The following RASAL2 variants were observed in gnomAD, a reference collection of about 807,000 sequenced individuals.
RASAL2 encodes RAS protein activator like 2, also known as ras GTPase-activating protein nGAP.
RASAL2 carries 58 observed loss-of-function variants against 128.9 expected under a neutral mutation model. The ratio of observed to expected loss-of-function variants is 0.45; its 90% CI spans 0.36 to 0.56. RASAL2 has a LOEUF of 0.56. Ranked by LOEUF, RASAL2 falls within the 20% of genes least tolerant of loss-of-function variation. The pLI is 0.00. For missense variants in RASAL2, 1,360 were observed against 1,601.6 expected, an observed-to-expected ratio of 0.85 and a Z score of 2.57; for synonymous variants, 561 against 580.8, an observed-to-expected ratio of 0.97 and a Z score of 0.49.
At chr1:178,412,493 AC>A (rs1159257319) in intron 4 of RASAL2, among the ~76,000 whole-genome samples, 1 of 152,188 alleles carries the variant, frequency 6.6e-6, no homozygotes, top group African/African-American at 2.4e-5. Flanking sequence ...TGCTTCATTT[AC>A]ATCAAGGAGG....
intron 1 of RASAL2, among the ~76,000 whole-genome samples, chr1:178,168,267 G>GA (rs1356042990): frequency 1.4e-5 from 2 of 144,510 alleles, no homozygotes; most frequent in Non-Finnish European, 3.0e-5. Context: ...TAGACCCTGT[G>GA]AGAAGCCAAA....
intron 1 of RASAL2, among the ~76,000 whole-genome samples, chr1:178,258,996 A>C (rs928919633): frequency 6.6e-6 from 1 of 152,160 alleles, no homozygotes; most frequent in Non-Finnish European, 1.5e-5. Flanking sequence ...GAAAGACCAC[A>C]CATATTATAT....
intron 1 of RASAL2, among the ~76,000 whole-genome samples, chr1:178,273,249 A>G (rs1666343442): frequency 6.6e-6 from 1 of 152,258 alleles, no homozygotes; most frequent in African/African-American, 2.4e-5. Flanking sequence ...GATATGTGAT[A>G]AAGGCTAATG....
At chr1:178,293,180 C>T (rs962615383) in intron 2 of RASAL2, among the ~76,000 whole-genome samples, 2 of 152,034 alleles carry the variant, frequency 1.3e-5, no homozygotes, top group South Asian at 2.1e-4. Context: ...CTTTCTCCCC[C>T]GTAACAAATT....
intron 2 of RASAL2, among the ~76,000 whole-genome samples, chr1:178,299,168 A>C (rs959300505): frequency 4.6e-5 from 7 of 152,200 alleles, no homozygotes; most frequent in Non-Finnish European, 2.9e-5. Context: ...GTTGGTATCT[A>C]TACAAGTTTC....
intron 1 of RASAL2, among the ~76,000 whole-genome samples, chr1:178,149,798 T>A (rs930272283): frequency 6.6e-6 from 1 of 152,170 alleles, no homozygotes; most frequent in Admixed American, 6.5e-5. Context: ...AAAAATAAAT[T>A]ACATTTAACA....
chr1:178,146,938 C>T (rs1660748878), intron 1 of RASAL2, among the ~76,000 whole-genome samples: 1 of 152,188 alleles, frequency 6.6e-6, no homozygotes, highest in Non-Finnish European at 1.5e-5. Flanking sequence ...GCGTGAATGC[C>T]AAAATTACTT....
chr1:178,171,000 T>A (rs1388500823), intron 1 of RASAL2, among the ~76,000 whole-genome samples: 3 of 151,946 alleles, frequency 2.0e-5, no homozygotes, highest in African/African-American at 7.2e-5. Context: ...TGGCATATGC[T>A]CTTAATTCAG....
intron 1 of RASAL2, among the ~76,000 whole-genome samples, chr1:178,260,393 T>A (rs71514846): frequency 0.13 from 7,754 of 58,484 alleles, 2,167 homozygotes; most frequent in Admixed American, 0.17. Context: ...TATATATATA[T>A]ATATATATAT....
At chr1:178,330,047 A>C (rs1054245276) in intron 3 of RASAL2, among the ~76,000 whole-genome samples, 2 of 152,168 alleles carry the variant, frequency 1.3e-5, no homozygotes, top group African/African-American at 4.8e-5. Context: ...TATATTGTTG[A>C]CTAAGTTGCT....
At chr1:178,335,828 T>C (rs1332269993) in intron 3 of RASAL2, among the ~76,000 whole-genome samples, 3 of 152,130 alleles carry the variant, frequency 2.0e-5, no homozygotes, top group Non-Finnish European at 2.9e-5. Context: ...GAGCAATAGC[T>C]TCTGATAAAC....
chr1:178,115,652 A>G (rs922802018), intron 1 of RASAL2, among the ~76,000 whole-genome samples: 13 of 152,368 alleles, frequency 8.5e-5, no homozygotes, highest in Admixed American at 6.5e-4. Context: ...AGAAATAGCT[A>G]TGCCAAAGAT....
intron 4 of RASAL2, among the ~76,000 whole-genome samples, chr1:178,401,873 C>T (rs1466832746): frequency 6.6e-6 from 1 of 152,010 alleles, no homozygotes; most frequent in African/African-American, 2.4e-5. Flanking sequence ...TTAGGGCCCG[C>T]GTCACCCTGT....
intron 5 of RASAL2, among the ~76,000 whole-genome samples, chr1:178,437,598 G>A (rs909562599): frequency 2.6e-5 from 4 of 152,022 alleles, no homozygotes; most frequent in Non-Finnish European, 5.9e-5. Context: ...CTTTCCTGTT[G>A]AGAAGCTCAC....
chr1:178,456,525 C>A, intron 12 of RASAL2, 196 bp from the exon 13 acceptor site: 1 of 670,284 alleles, frequency 1.5e-6, no homozygotes, highest in Non-Finnish European at 2.7e-6. Context: ...CTTGTTTCGC[C>A]TCCTCCATTC....
Position 178,094,372 on chromosome 1 carries a change from C to A in RASAL2, c.-121C>A. ...AGGTGAGAGGTGTCCGCGCCGGCTG[C>A]CGCTCGGGTCCCTGCCCTCGCTGCG... is the stretch of plus-strand genomic sequence containing the variant. On this transcript the variant is annotated 5_prime_UTR_variant, in exon 1 of 18. Coordinates refer to ENST00000367649, the MANE Select transcript of RASAL2 (RefSeq NM_170692.4). 1 of 959,334 alleles carries A rather than the reference C, an allele frequency of 1.0e-6. No homozygotes were observed. Among genetic ancestry groups the A allele is most frequent in the Non-Finnish European group, 1.5e-6 (1 of 681,906 alleles). 59.4% of individuals were successfully genotyped at this position (959,334 alleles called of 1,614,324 possible). A position where few individuals can be genotyped will look rare whatever the true frequency, so the allele number is the denominator to read the frequency against.
chr1:178,115,042 A>G (rs909355403), intron 1 of RASAL2, among the ~76,000 whole-genome samples: 2 of 152,182 alleles, frequency 1.3e-5, no homozygotes, highest in African/African-American at 4.8e-5. Flanking sequence ...ACTTTCTGGA[A>G]GAGTTTGTGT....
chr1:178,100,361 CAAAA>C, intron 1 of RASAL2, among the ~76,000 whole-genome samples: 1 of 142,986 alleles, frequency 7.0e-6, no homozygotes, highest in Non-Finnish European at 1.5e-5. Flanking sequence ...ACTATAAATA[CAAAA>C]AAAAAAAAAA....
Position 178,269,960 on chromosome 1 carries a change from A to G in RASAL2, c.203-13604A>G, listed in dbSNP as rs57215352. The stretch of plus-strand genomic sequence containing the variant: ...CAGTAGGGTATTTTTCCTGATTAGC[A>G]GTTCGTGGTAGGCAAAATTTTTGAG... On this transcript the variant is annotated intron_variant, in intron 1 of 17. Transcript: ENST00000367649. Among the ~76,000 whole-genome samples the G allele has an allele frequency of 5.6e-3, 853 of 152,240 alleles. 11 individuals carry two copies. The highest frequency in any genetic ancestry group is 0.019 in the African/African-American group (800 of 41,540).
Sources: gnomAD v4.1 joint callset for allele counts (sites outside exome capture counted in the v4.1 genomes callset) on GRCh38, gnomAD v4.1.1 for gene constraint, MANE v1.5 for transcripts, NCBI Gene and HGNC (gene_info 2026-07-23, HGNC 2026-07-21) for gene names.